Variants in FAM107B observed in about 807,000 individuals in gnomAD.
The protein encoded by FAM107B is family with sequence similarity 107 member B, also known as protein FAM107B.
In FAM107B, 21 loss-of-function variants were observed where a neutral mutation model predicts 31.5. The observed-to-expected ratio is 0.67, with a 90% CI of 0.47 to 0.96. The LOEUF (loss-of-function observed/expected upper bound fraction) is 0.96. Among genes scored for constraint, FAM107B ranks in the 40% least tolerant of loss-of-function variants. The probability of loss-of-function intolerance (pLI) is 0.00; values close to 1 mark genes in which losing one functional copy is unlikely to be tolerated. For missense variants in FAM107B, 452 were observed against 377.1 expected (o/e 1.20, Z -1.64); for synonymous variants, 157 against 141.5 (o/e 1.11, Z -0.78).
intron 2 of FAM107B, chr10:14,654,013 C>G (rs1214098544): frequency 6.6e-6 from 1 of 151,858 alleles, no homozygotes; most frequent in African/African-American, 2.4e-5. Flanking sequence ...TCTCATATTT[C>G]TTCTAACGTC....
At chr10:14,626,573 G>A (rs1243006277) in intron 2 of FAM107B, among the ~76,000 whole-genome samples, 3 of 143,096 alleles carry the variant, frequency 2.1e-5, no homozygotes, top group Non-Finnish European at 4.5e-5. Flanking sequence ...GCGTGAGCTC[G>A]ACTCACTGCA....
At chr10:14,754,571 T>C (rs1011368502) in intron 1 of FAM107B, among the ~76,000 whole-genome samples, 3 of 152,334 alleles carry the variant, frequency 2.0e-5, no homozygotes, top group Middle Eastern at 6.8e-3. Context: ...CTGGCAGCCA[T>C]GTGGCCAGCA....
chr10:14,660,969 G>A (rs557800697), intron 2 of FAM107B, among the ~76,000 whole-genome samples: 2 of 152,210 alleles, frequency 1.3e-5, no homozygotes, highest in East Asian at 3.9e-4. Flanking sequence ...TCATGTGAGT[G>A]GATTTTCCCC....
At chr10:14,586,552 A>C (rs1268406601) in intron 2 of FAM107B, among the ~76,000 whole-genome samples, 2 of 152,202 alleles carry the variant, frequency 1.3e-5, no homozygotes, top group Non-Finnish European at 2.9e-5. Flanking sequence ...TTAGAAAAAG[A>C]GACACCAGGC....
chr10:14,771,526 A>G (rs758216346), intron 1 of FAM107B, among the ~76,000 whole-genome samples: 1 of 151,616 alleles, frequency 6.6e-6, no homozygotes, highest in Non-Finnish European at 1.5e-5. Flanking sequence ...GAGGTGGTAG[A>G]TATCCCAGTT....
Position 14,520,169 on chromosome 10 carries a change from TATC to T in FAM107B, c.*1018_*1020del. ...AAGCTTGGATTCTAATGATATGCAT[TATC>T]ATTAGACATTCAAATGCTATACATC... is the stretch of plus-strand genomic sequence containing the variant. On this transcript the variant is annotated 3_prime_UTR_variant, in exon 5 of 5. Coordinates refer to ENST00000181796, the MANE Select transcript of FAM107B (RefSeq NM_031453.4). 1 of 152,596 alleles carries T rather than the reference TATC, an allele frequency of 6.6e-6. No individual in the cohort carries two copies. Among genetic ancestry groups the T allele is most frequent in the Non-Finnish European group, 1.5e-5 (1 of 68,034 alleles). 9.5% of individuals were successfully genotyped at this position (152,596 alleles called of 1,614,324 possible).
chr10:14,547,566 T>C (rs1848814592), intron 2 of FAM107B, among the ~76,000 whole-genome samples: 1 of 150,432 alleles, frequency 6.6e-6, no homozygotes, highest in Non-Finnish European at 1.5e-5. Context: ...TATTTCTGAG[T>C]ATCTACACTC....
chr10:14,532,868 C>T (rs1272105428), intron 2 of FAM107B, among the ~76,000 whole-genome samples: 1 of 152,148 alleles, frequency 6.6e-6, no homozygotes, highest in Non-Finnish European at 1.5e-5. Flanking sequence ...CTCGTTATTA[C>T]ATTTGGGGAG....
intron 2 of FAM107B, among the ~76,000 whole-genome samples, chr10:14,627,721 G>A (rs1348440879): frequency 6.6e-6 from 1 of 152,114 alleles, no homozygotes; most frequent in Non-Finnish European, 1.5e-5. Context: ...TGCAGTGAGC[G>A]AGGATCACAC....
chr10:14,589,291 A>G (rs1851944487), intron 2 of FAM107B, among the ~76,000 whole-genome samples: 1 of 152,206 alleles, frequency 6.6e-6, no homozygotes, highest in African/African-American at 2.4e-5. Context: ...GAAAGAAACT[A>G]TCAGTTCAAA....
At chr10:14,658,737 G>T (rs989252301) in intron 2 of FAM107B, among the ~76,000 whole-genome samples, 1 of 152,134 alleles carries the variant, frequency 6.6e-6, no homozygotes, top group African/African-American at 2.4e-5. Context: ...AAAGAGCAAG[G>T]GTTCATTCCC....
chr10:14,608,145 T>C (rs1413497671), intron 2 of FAM107B, among the ~76,000 whole-genome samples: 1 of 152,214 alleles, frequency 6.6e-6, no homozygotes, highest in African/African-American at 2.4e-5. Context: ...CAAACCACCA[T>C]GCTGAAGAGC....
chr10:14,709,697 A>G lies in FAM107B; in HGVS notation c.412-42006T>C, dbSNP rs922426699. Among the ~76,000 whole-genome samples the G allele has an allele frequency of 1.1e-4, 16 of 152,368 alleles. 1 individual carries two copies. Among genetic ancestry groups the G allele is most frequent in the African/African-American group, 3.4e-4 (14 of 41,594 alleles). On this transcript the variant is annotated intron_variant, in intron 1 of 4. Transcript: ENST00000181796. ...GATATCCTTCAATAGGTGAATGGCA[A>G]AACAAACTGTGGTACATCCAGACAA...
At chr10:14,763,446 C>T (rs923131612) in intron 1 of FAM107B, among the ~76,000 whole-genome samples, 1 of 152,158 alleles carries the variant, frequency 6.6e-6, no homozygotes. Flanking sequence ...AGACATGTAG[C>T]CCCCACGTGC....
intron 2 of FAM107B, chr10:14,542,696 A>C (rs1848330461): frequency 6.6e-6 from 1 of 152,228 alleles, no homozygotes; most frequent in Non-Finnish European, 1.5e-5. Context: ...GCTCAGAAAT[A>C]GTAAGACATA....
At chr10:14,560,066 G>A (rs978437740) in intron 2 of FAM107B, among the ~76,000 whole-genome samples, 2 of 152,020 alleles carry the variant, frequency 1.3e-5, no homozygotes, top group African/African-American at 4.8e-5. Flanking sequence ...TCTACAACCC[G>A]TTGCTCTACT....
chr10:14,622,005 C>G (rs1853023468), intron 2 of FAM107B, among the ~76,000 whole-genome samples: 2 of 152,128 alleles, frequency 1.3e-5, no homozygotes, highest in African/African-American at 4.8e-5. Context: ...TTAAATACCC[C>G]AAAACATGAC....
chr10:14,605,957 G>C (rs1852578046), intron 2 of FAM107B, among the ~76,000 whole-genome samples: 1 of 152,120 alleles, frequency 6.6e-6, no homozygotes, highest in South Asian at 2.1e-4. Context: ...TGGTGGCAGG[G>C]GTTTCCTAAC....
At chr10:14,745,864 C>T (rs74822671) in intron 1 of FAM107B, among the ~76,000 whole-genome samples, 383 of 152,258 alleles carry the variant, frequency 2.5e-3, no homozygotes, top group African/African-American at 8.6e-3. Flanking sequence ...TGTTAATTTT[C>T]TGTCTCAATG....
Sources: gnomAD v4.1 joint callset for allele counts (sites outside exome capture counted in the v4.1 genomes callset) on GRCh38, gnomAD v4.1.1 for gene constraint, MANE v1.5 for transcripts, NCBI Gene and HGNC (gene_info 2026-07-23, HGNC 2026-07-21) for gene names.